The following TSGA10 variants were observed in gnomAD, a reference collection of about 807,000 sequenced individuals.
TSGA10 encodes the protein testis specific 10, also known as testis-specific gene 10 protein.
A neutral mutation model predicts 96.6 loss-of-function variants in TSGA10; 43 were observed. The observed-to-expected ratio is 0.44, with a 90% CI of 0.35 to 0.57. The LOEUF (loss-of-function observed/expected upper bound fraction) is 0.57, where lower values mean the gene tolerates loss of function less well. TSGA10 is among the 20% of genes least tolerant of loss of function. The pLI, the probability that TSGA10 is intolerant of heterozygous loss-of-function variation, is 0.01. For synonymous variants in TSGA10, 229 were observed against 269.9 expected, an observed-to-expected ratio of 0.85 and a Z score of 1.48; for missense variants, 703 against 834.4, an observed-to-expected ratio of 0.84 and a Z score of 1.94.
rs1574496947 is a variant in TSGA10, at chr2:99,117,093, CCT to C, written c.-140+449_-140+450del. On this transcript the variant is annotated intron_variant, in intron 4 of 20. Transcript: ENST00000393483. ...AGATACCTCTGTGACATACTGATTT[CCT>C]TTCTTTTGGATGTATACCCGGCTGC... is the stretch of plus-strand genomic sequence containing the variant. The C allele has an allele frequency of 2.0e-5, 3 of 152,292 alleles. No homozygotes were observed. The East Asian group carries it at 5.8e-4, about 29-fold the overall frequency. 9.4% of individuals were successfully genotyped at this position (152,292 alleles called of 1,614,324 possible).
chr2:99,013,447 C>T (rs1347856323), intron 20 of TSGA10, among the ~76,000 whole-genome samples: 3 of 151,996 alleles, frequency 2.0e-5, no homozygotes, highest in African/African-American at 7.2e-5. Context: ...ATTCTCCTGC[C>T]TCAGCCTCCC....
At chr2:99,065,199 T>A (rs560414183) in intron 15 of TSGA10, 75 bp from the exon 16 acceptor site, 1 of 1,494,034 alleles carries the variant, frequency 6.7e-7, no homozygotes, top group Non-Finnish European at 9.0e-7. Flanking sequence ...ATCCAAGTCA[T>A]TGGGAATTCA....
rs201245057 is a variant in TSGA10 at position 99,128,024 on chromosome 2, T to C, written c.-620-848A>G. Among the ~76,000 whole-genome samples, 6 of 152,242 alleles carry C rather than the reference T, an allele frequency of 3.9e-5. No individual in the cohort carries two copies. In the East Asian group the frequency reaches 1.2e-3, roughly 29 times the overall value. On this transcript the variant is annotated intron_variant, in intron 1 of 20. Coordinates refer to ENST00000393483, the MANE Select transcript of TSGA10 (RefSeq NM_025244.4). ...AACATATCTTAGAGACTGTGTAACT[T>C]AGGAAAACAATTTTTTCTTTCCTTG...
chr2:99,116,825 A>G (rs948027449), intron 4 of TSGA10, among the ~76,000 whole-genome samples: 1 of 152,202 alleles, frequency 6.6e-6, no homozygotes, highest in Non-Finnish European at 1.5e-5. Context: ...ACGTATACTG[A>G]TCAAATCAGG....
chr2:99,036,298 A>C (rs932901809), intron 16 of TSGA10, among the ~76,000 whole-genome samples: 4 of 151,262 alleles, frequency 2.6e-5, no homozygotes, highest in Admixed American at 6.6e-5. Flanking sequence ...TTCCTCACTC[A>C]CTCTTTCTTA....
chr2:98,998,691 T>A (rs920209883), intron 20 of TSGA10, among the ~76,000 whole-genome samples: 2 of 152,002 alleles, frequency 1.3e-5, no homozygotes, highest in African/African-American at 4.8e-5. Flanking sequence ...TTGTAAAAAA[T>A]ATATATATAC....
At chr2:99,007,662 T>G (rs778727462) in intron 20 of TSGA10, among the ~76,000 whole-genome samples, 1 of 152,190 alleles carries the variant, frequency 6.6e-6, no homozygotes, top group Non-Finnish European at 1.5e-5. Context: ...AATAGGAGAC[T>G]TTAGAACACC....
At chr2:99,051,974 T>C (rs753944235) in intron 16 of TSGA10, among the ~76,000 whole-genome samples, 6 of 151,954 alleles carry the variant, frequency 3.9e-5, no homozygotes, top group Non-Finnish European at 5.9e-5. Flanking sequence ...GAGCTGCCGC[T>C]AAAGCAGTGC....
At position 99,145,489 on chromosome 2, in the gene TSGA10, C is replaced by T. The variant is rs181987936; in HGVS notation, c.-621+9204G>A. ...ACGAGAATCACTTGAACCCAGGAGG[C>T]GGAGGCTGCAGTCACCCTAGATCAC... On this transcript the variant is annotated intron_variant, in intron 1 of 20. Coordinates refer to ENST00000393483, the MANE Select transcript of TSGA10 (RefSeq NM_025244.4). 5.3e-5 allele frequency among the ~76,000 whole-genome samples: 8 copies of T among 151,448 alleles called. No individual in the cohort carries two copies. In the East Asian group the frequency reaches 1.6e-3, roughly 30 times the overall value.
At chr2:99,033,598 T>C (rs985268544) in intron 17 of TSGA10, among the ~76,000 whole-genome samples, 3 of 152,156 alleles carry the variant, frequency 2.0e-5, no homozygotes, top group Non-Finnish European at 2.9e-5. Flanking sequence ...ATCCCAGCAC[T>C]GGGAGGCTGA....
chr2:99,122,931 T>C (rs2092654102), intron 2 of TSGA10, among the ~76,000 whole-genome samples: 1 of 152,202 alleles, frequency 6.6e-6, no homozygotes, highest in African/African-American at 2.4e-5. Flanking sequence ...TAGCTATTCT[T>C]TTAGGGTAGC....
At chr2:99,102,826 A>T in intron 10 of TSGA10, 1 of 1,212,004 alleles carries the variant, frequency 8.3e-7, no homozygotes, top group Non-Finnish European at 1.2e-6. Context: ...TGTAAATATA[A>T]ACCTAAATAT....
intron 20 of TSGA10, among the ~76,000 whole-genome samples, chr2:99,014,542 A>G (rs962638866): frequency 6.6e-6 from 1 of 152,200 alleles, no homozygotes; most frequent in Non-Finnish European, 1.5e-5. Flanking sequence ...AGAAAGTTTG[A>G]AAGAGCACAA....
chr2:99,071,146 C>A (rs2085915289), intron 14 of TSGA10, among the ~76,000 whole-genome samples: 1 of 152,004 alleles, frequency 6.6e-6, no homozygotes, highest in Non-Finnish European at 1.5e-5. Flanking sequence ...ACCATTTGGT[C>A]TTAAAAATTT....
intron 15 of TSGA10, among the ~76,000 whole-genome samples, chr2:99,065,864 G>A (rs1336242184): frequency 6.6e-6 from 1 of 152,130 alleles, no homozygotes; most frequent in Non-Finnish European, 1.5e-5. Flanking sequence ...AGTAACTGAA[G>A]TAGGGTCTGA....
rs569590939 is a variant in TSGA10, at chr2:99,005,085, T to G, written c.2073-6864A>C. ...GAGGCAGAAAAGGCCTTTGACAAAA[T>G]TCAACAACGCTTCATGCTAAAAACT... On this transcript the variant is annotated intron_variant, in intron 20 of 20. Coordinates refer to ENST00000393483, the MANE Select transcript of TSGA10 (RefSeq NM_025244.4). 3.5e-3 allele frequency among the ~76,000 whole-genome samples: 540 copies of G among 152,262 alleles called. 2 individuals are homozygous for G. The highest frequency in any genetic ancestry group is 0.012 in the African/African-American group (514 of 41,534).
At chr2:99,028,208 G>C (rs1170217912) in intron 17 of TSGA10, among the ~76,000 whole-genome samples, 1 of 152,146 alleles carries the variant, frequency 6.6e-6, no homozygotes, top group Admixed American at 6.6e-5. Context: ...TCTATTAATT[G>C]CTAGCTGACT....
intron 5 of TSGA10, 126 bp from the exon 6 acceptor site, chr2:99,109,638 G>T (rs745433808): frequency 7.2e-6 from 5 of 692,782 alleles, no homozygotes; most frequent in Middle Eastern, 4.8e-4. Context: ...AAACAAACAG[G>T]ATCCTTAAAA....
At chr2:99,102,425 G>C in intron 10 of TSGA10, 4 of 1,614,006 alleles carry the variant, frequency 2.5e-6, no homozygotes, top group Non-Finnish European at 2.5e-6. Flanking sequence ...AAGGTGAAAT[G>C]AGAGAAATGC....
Sources: allele counts gnomAD v4.1 joint callset (sites outside exome capture counted in the v4.1 genomes callset), GRCh38; gene constraint gnomAD v4.1.1; transcripts MANE v1.5; gene names NCBI Gene and HGNC (gene_info 2026-07-23, HGNC 2026-07-21).